Variants in WDR64 observed in about 807,000 individuals in gnomAD.
WDR64 encodes the protein WD repeat domain 64, also known as WD repeat-containing protein 64.
WDR64 carries 112 observed loss-of-function variants against 139.3 expected under a neutral mutation model. The observed-to-expected ratio is 0.80, with a 90% CI of 0.69 to 0.94. The LOEUF is 0.94. Ranked by LOEUF, WDR64 falls within the 40% of genes least tolerant of loss-of-function variation. The probability of loss-of-function intolerance (pLI) is 0.00; values close to 1 mark genes in which losing one functional copy is unlikely to be tolerated. For synonymous variants in WDR64, 444 were observed against 437.7 expected, an observed-to-expected ratio of 1.01 and a Z score of -0.18; for missense variants, 1,206 against 1,293.1, an observed-to-expected ratio of 0.93 and a Z score of 1.03.
At chr1:241,727,394 A>G (rs1668886471) in intron 10 of WDR64, among the ~76,000 whole-genome samples, 1 of 152,166 alleles carries the variant, frequency 6.6e-6, no homozygotes, top group Non-Finnish European at 1.5e-5. Flanking sequence ...TTTAAATGTA[A>G]TGAGTGTATT....
intron 10 of WDR64, among the ~76,000 whole-genome samples, chr1:241,731,212 TA>T (rs2148218964): frequency 1.3e-5 from 2 of 152,032 alleles, no homozygotes; most frequent in Admixed American, 1.3e-4. Context: ...ATTCAGCCAT[TA>T]AAAAATGAGA....
At position 241,783,518 on chromosome 1, in the gene WDR64, C is replaced by T. The variant is rs886327954; in HGVS notation, c.2705+137C>T. The stretch of plus-strand genomic sequence containing the variant: ...TAAATAAATAAGTAAATAGATGACA[C>T]AAAAGGACTTTGAAAAGATGGCCAC... On this transcript the variant is annotated intron_variant, in intron 23 of 27. Coordinates refer to ENST00000437684, the MANE Select transcript of WDR64 (RefSeq NM_001367482.1). The T allele has an allele frequency of 4.8e-5, 31 of 646,162 alleles. No homozygotes were observed. In the African/African-American group the frequency reaches 5.6e-4, roughly 12 times the overall value. The allele number at this position is 646,162 out of a possible 1,614,324, so 40.0% of individuals were successfully genotyped here. A position where few individuals can be genotyped will look rare whatever the true frequency, so the allele number is the denominator to read the frequency against.
At chr1:241,798,731 T>G (rs1268010157) in intron 27 of WDR64, among the ~76,000 whole-genome samples, 3 of 152,194 alleles carry the variant, frequency 2.0e-5, no homozygotes, top group Non-Finnish European at 4.4e-5. Flanking sequence ...TGGAAGAAAG[T>G]CCTTTGAGTA....
At chr1:241,696,454 T>C (rs934943668) in intron 8 of WDR64, among the ~76,000 whole-genome samples, 2 of 152,168 alleles carry the variant, frequency 1.3e-5, no homozygotes, top group African/African-American at 4.8e-5. Flanking sequence ...AATAAAAGAA[T>C]GGCTACTCCA....
chr1:241,755,712 A>G (rs1484114711), intron 14 of WDR64, among the ~76,000 whole-genome samples: 1 of 152,196 alleles, frequency 6.6e-6, no homozygotes, highest in African/African-American at 2.4e-5. Context: ...TTAAGTCTTT[A>G]ATCCATCTTG....
intron 10 of WDR64, among the ~76,000 whole-genome samples, chr1:241,724,790 T>C (rs758758738): frequency 6.6e-6 from 1 of 152,210 alleles, no homozygotes; most frequent in Non-Finnish European, 1.5e-5. Context: ...TTATAATAAC[T>C]ACCATTTATT....
chr1:241,724,752 C>A (rs1163926387), intron 10 of WDR64, among the ~76,000 whole-genome samples: 1 of 152,196 alleles, frequency 6.6e-6, no homozygotes, highest in African/African-American at 2.4e-5. Flanking sequence ...GTAAATATGA[C>A]TAAATAAACA....
At chr1:241,737,243 G>A (rs191821791) in intron 10 of WDR64, among the ~76,000 whole-genome samples, 1 of 152,320 alleles carries the variant, frequency 6.6e-6, no homozygotes, top group East Asian at 1.9e-4. Context: ...AGCCTACAGA[G>A]GGTTTACATT....
Position 241,757,422 on chromosome 1 carries a change from A to C in WDR64, c.1910A>C (p.Glu637Ala). Residue 637 changes from glutamate to alanine, a missense_variant, in exon 15 of 28, where the codon GAG becomes GCG. Glu to Ala is a moderately radical substitution (Grantham distance 107). Transcript: ENST00000437684. ...RNMAIPFPDV[E>A]LIVERNFSQP... ...ATGGCTATTCCTTTCCCAGATGTCG[A>C]GTTGATAGTTGAGAGGAACTTTTCT... The C allele has an allele frequency of 6.2e-7, 1 of 1,613,288 alleles. No individual in the cohort carries two copies. The highest frequency in any genetic ancestry group is 8.5e-7 in the Non-Finnish European group (1 of 1,179,702).
chr1:241,689,421 A>G (rs372325124), intron 8 of WDR64, among the ~76,000 whole-genome samples: 1 of 152,358 alleles, frequency 6.6e-6, no homozygotes, highest in Admixed American at 6.5e-5. Context: ...AAACTTATCA[A>G]AAGAAAGCAG....
intron 10 of WDR64, among the ~76,000 whole-genome samples, chr1:241,726,192 C>T (rs1245409493): frequency 6.6e-6 from 1 of 151,780 alleles, no homozygotes; most frequent in Non-Finnish European, 1.5e-5. Flanking sequence ...CTGGGCCAAT[C>T]GTTTTTATAT....
At chr1:241,747,770 GAC>G (rs1370324925) in intron 13 of WDR64, among the ~76,000 whole-genome samples, 31 of 152,180 alleles carry the variant, frequency 2.0e-4, no homozygotes, top group Non-Finnish European at 3.7e-4. Flanking sequence ...TCGAAGGAAA[GAC>G]ACAGGAAGGA....
Position 241,702,864 on chromosome 1 carries a change from G to A in WDR64, c.975-8938G>A, listed in dbSNP as rs554167719. 2.0e-5 allele frequency among the ~76,000 whole-genome samples: 3 copies of A among 152,252 alleles called. No individual in the cohort carries two copies. The South Asian group carries it at 6.2e-4, about 32-fold the overall frequency. On this transcript the variant is annotated intron_variant, in intron 8 of 27. Transcript: ENST00000437684. Reference sequence around the variant, plus strand: ...TCTATGATTGTTTTCATGCTACAGTGGCAGAGTTGAGTAGTTCTGACAACA... The same window carrying A: ...TCTATGATTGTTTTCATGCTACAGTAGCAGAGTTGAGTAGTTCTGACAACA...
At position 241,751,220 on chromosome 1, in the gene WDR64, A is replaced by G. The variant is rs117398235; in HGVS notation, c.1770+1498A>G. Among the ~76,000 whole-genome samples, 263 of 152,324 alleles carry G rather than the reference A, an allele frequency of 1.7e-3. 2 individuals are homozygous for G. In the East Asian group the frequency reaches 0.02, roughly 12 times the overall value. On this transcript the variant is annotated intron_variant, in intron 14 of 27. Transcript: ENST00000437684. ...TGTGAGTGCTTTCACAAAGTGTCTC[A>G]GAAGCTTGTATGGTGGGATGGTTGT...
chr1:241,783,897 A>C (rs1658940665), intron 23 of WDR64, among the ~76,000 whole-genome samples: 2 of 152,358 alleles, frequency 1.3e-5, no homozygotes, highest in Middle Eastern at 6.8e-3. Flanking sequence ...AGAGAAAGAA[A>C]GGAAATGTCA....
chr1:241,675,154 T>TCCCTCCCTC (rs1488903122), intron 4 of WDR64, among the ~76,000 whole-genome samples: 1 of 11,626 alleles, frequency 8.6e-5, no homozygotes, highest in Non-Finnish European at 1.7e-4. Context: ...CTTCCTTCCT[T>TCCCTCCCTC]CTTCCCTACC....
chr1:241,752,446 T>A (rs1670014861), intron 14 of WDR64, among the ~76,000 whole-genome samples: 1 of 152,210 alleles, frequency 6.6e-6, no homozygotes, highest in Non-Finnish European at 1.5e-5. Context: ...TGTTGGTAAC[T>A]CTAGGTCAAT....
intron 2 of WDR64, among the ~76,000 whole-genome samples, chr1:241,661,055 T>C (rs547491354): frequency 6.6e-6 from 1 of 152,324 alleles, no homozygotes; most frequent in African/African-American, 2.4e-5. Flanking sequence ...ATTGACTACC[T>C]GTTATATTCC....
intron 5 of WDR64, 96 bp downstream of exon 5, chr1:241,678,312 G>A: frequency 2.5e-6 from 1 of 397,492 alleles, no homozygotes; most frequent in Non-Finnish European, 4.4e-6. Context: ...GTACTGAATA[G>A]GCTCTGGGTA....
Sources: gnomAD v4.1 joint callset for allele counts (sites outside exome capture counted in the v4.1 genomes callset) on GRCh38, gnomAD v4.1.1 for gene constraint, MANE v1.5 for transcripts, NCBI Gene and HGNC (gene_info 2026-07-23, HGNC 2026-07-21) for gene names.